PEX1: variants seen among roughly 807,000 people sequenced by gnomAD.
The protein encoded by PEX1 is peroxisomal biogenesis factor 1.
A neutral mutation model predicts 152.5 loss-of-function variants in PEX1; 97 were observed. That is an observed-to-expected ratio of 0.64 (90% CI 0.54 to 0.75). PEX1 has a LOEUF of 0.75. Among genes scored for constraint, PEX1 ranks in the 30% least tolerant of loss-of-function variants. PEX1 has a pLI of 0.00. For missense variants in PEX1, 1,357 were observed against 1,516.3 expected (o/e 0.89, Z 1.74); for synonymous variants, 485 against 531.6 (o/e 0.91, Z 1.21).
At chr7:92,514,466 A>G (rs1447871442) in intron 5 of PEX1, among the ~76,000 whole-genome samples, 1 of 152,164 alleles carries the variant, frequency 6.6e-6, no homozygotes, top group African/African-American at 2.4e-5. Context: ...TATTCACCAA[A>G]CCCATCTTTT....
intron 20 of PEX1, 123 bp from the exon 21 acceptor site, chr7:92,491,625 G>C (rs1791329080): frequency 1.5e-6 from 1 of 669,140 alleles, no homozygotes; most frequent in Admixed American, 2.6e-5. Flanking sequence ...TTTTCAAAGA[G>C]CTCATTAATT....
chr7:92,488,909 T>C (rs1197289830), intron 23 of PEX1, among the ~76,000 whole-genome samples: 3 of 152,244 alleles, frequency 2.0e-5, no homozygotes, highest in Admixed American at 2.0e-4. Context: ...AATTTTTGTA[T>C]TTTTAGTAGA....
In PEX1 at chr7:92,501,974, C is replaced by T. The variant is rs921866912; in HGVS notation, c.2332G>A (p.Gly778Arg). Residue 778 changes from glycine (G) to arginine (R), a missense_variant, in exon 14 of 24, where the codon GGG (glycine) becomes AGG (arginine). By Grantham distance (125) the Gly-to-Arg change is moderately radical. Coordinates refer to ENST00000248633, the MANE Select transcript of PEX1 (RefSeq NM_000466.3). The stretch of plus-strand genomic sequence containing the variant: ...ACTGTAAAATCTCTAGCCACAAACC[C>T]GCCAGTTTCTTTAGCTACATGCTGC... ...DLQHVAKETGGFVARDFTVLV... is the reference protein window; with the variant it reads ...DLQHVAKETGRFVARDFTVLV... 1.2e-6 allele frequency: 2 copies of T among 1,613,776 alleles called. No individual in the cohort carries two copies. The highest frequency in any genetic ancestry group is 2.7e-5 in the African/African-American group (2 of 74,914).
chr7:92,504,694 A>G lies in PEX1; in HGVS notation c.2071+38T>C, dbSNP rs78310122. On this transcript the variant is annotated intron_variant, in intron 12 of 23. Transcript: ENST00000248633. Reference sequence around the variant, plus strand: ...TTAAGACTAAAAATGCTGACTGACAAAAGAACAAGACCTTAAGCCAGTGGT... The same window carrying G: ...TTAAGACTAAAAATGCTGACTGACAGAAGAACAAGACCTTAAGCCAGTGGT... 1.0e-3 allele frequency: 1,663 copies of G among 1,601,618 alleles called. 18 individuals carry two copies. The African/African-American group carries it at 0.02, about 20-fold the overall frequency.
At chr7:92,494,724 TTATA>T in intron 17 of PEX1, 95 bp from the exon 18 acceptor site, 1 of 767,172 alleles carries the variant, frequency 1.3e-6, no homozygotes, top group Non-Finnish European at 1.9e-6. Context: ...TTTTATGTAT[TTATA>T]TATATTTATA....
In PEX1 at chr7:92,518,985, T is replaced by C. The variant is rs1792932554; in HGVS notation, c.357+10A>G. 1.3e-6 allele frequency: 2 copies of C among 1,588,528 alleles called. No individual in the cohort carries two copies. The highest frequency in any genetic ancestry group is 1.1e-5 in the South Asian group (1 of 90,588). ...CTTAAATGAGATAGTTCTTATTTGG[T>C]TTTCTTTACCAGTATCTCCCAATCA... On this transcript the variant is annotated intron_variant, in intron 3 of 23. Transcript: ENST00000248633.
intron 13 of PEX1, among the ~76,000 whole-genome samples, chr7:92,502,609 G>T (rs1196635644): frequency 6.6e-6 from 1 of 152,064 alleles, no homozygotes; most frequent in African/African-American, 2.4e-5. Flanking sequence ...AATATTTAGG[G>T]TAGATGCTAG....
At chr7:92,520,393 T>A (rs1792997358) in intron 2 of PEX1, among the ~76,000 whole-genome samples, 1 of 152,204 alleles carries the variant, frequency 6.6e-6, no homozygotes, top group African/African-American at 2.4e-5. Flanking sequence ...GGTTTACAGA[T>A]TTCTCATGAG....
intron 20 of PEX1, 61 bp from the exon 21 acceptor site, chr7:92,491,563 A>G (rs1475869995): frequency 8.1e-5 from 79 of 971,392 alleles, no homozygotes; most frequent in Middle Eastern, 2.1e-4. Context: ...TCAGAAATAA[A>G]TAATAACATA....
chr7:92,504,980 A>G (rs551716677), intron 11 of PEX1, 78 bp from the exon 12 acceptor site: 1 of 1,033,930 alleles, frequency 9.7e-7, no homozygotes, highest in East Asian at 2.4e-5. Context: ...TGAAAGCACT[A>G]GAAAAGCTCG....
At chr7:92,498,763 C>A (rs74784449) in intron 16 of PEX1, among the ~76,000 whole-genome samples, 9,471 of 152,186 alleles carry the variant, frequency 0.062, 393 homozygotes, top group Non-Finnish European at 0.086. Flanking sequence ...AAAACTTAGA[C>A]CTAGTCTCAC....
chr7:92,513,224 A>G (rs1562862378), intron 6 of PEX1, among the ~76,000 whole-genome samples: 1 of 152,238 alleles, frequency 6.6e-6, no homozygotes, highest in South Asian at 2.1e-4. Context: ...AAAGGAGCTG[A>G]AAAGAGGAAC....
chr7:92,488,954 G>A (rs189903569), intron 23 of PEX1, among the ~76,000 whole-genome samples: 21 of 152,194 alleles, frequency 1.4e-4, no homozygotes, highest in East Asian at 5.8e-4. Flanking sequence ...GGCTTGCCTC[G>A]AACTCCTGAC....
chr7:92,493,044 G>A lies in PEX1; in HGVS notation c.3116C>T (p.Thr1039Ile). The change falls in exon 20 of 24, where the codon ACT becomes ATT. Residue 1039 changes from threonine to isoleucine, a missense_variant. Coordinates refer to ENST00000248633, the MANE Select transcript of PEX1 (RefSeq NM_000466.3). ...DVDLQHVASV[T>I]DSFTGADLKA... ...CAGATCAGCTCCAGTAAAGGAGTCA[G>A]TTACTGATGCTACATGCTGAAGGTC... 1 of 1,610,598 alleles carries A rather than the reference G, an allele frequency of 6.2e-7. No individual in the cohort carries two copies. Among genetic ancestry groups the A allele is most frequent in the Non-Finnish European group, 8.5e-7 (1 of 1,176,790 alleles).
chr7:92,506,171 G>C (rs1562857120), intron 11 of PEX1, 77 bp downstream of exon 11: 1 of 822,576 alleles, frequency 1.2e-6, no homozygotes, highest in Non-Finnish European at 2.2e-6. Context: ...GTATTTATTA[G>C]ATTGACAGCA....
At chr7:92,501,428 G>T in intron 15 of PEX1, 79 bp downstream of exon 15, 3 of 1,156,844 alleles carry the variant, frequency 2.6e-6, no homozygotes, top group Non-Finnish European at 3.9e-6. Flanking sequence ...GATTGGGCAA[G>T]CTGACACATA....
intron 11 of PEX1, among the ~76,000 whole-genome samples, chr7:92,505,845 T>C (rs535045902): frequency 1.2e-4 from 19 of 152,230 alleles, no homozygotes; most frequent in Non-Finnish European, 2.5e-4. Context: ...AAAAGTGTTA[T>C]ATGGTGAACT....
At chr7:92,516,291 G>C (rs1792782920) in intron 5 of PEX1, among the ~76,000 whole-genome samples, 1 of 151,962 alleles carries the variant, frequency 6.6e-6, no homozygotes, top group Non-Finnish European at 1.5e-5. Context: ...GCCAGGCGTG[G>C]TGGTGCATGC....
At position 92,498,068 on chromosome 7, in the gene PEX1, GAAAAAAA is replaced by G. The variant is rs781116048; in HGVS notation, c.2719-1298_2719-1292del. Among the ~76,000 whole-genome samples, 101 of 51,032 alleles carry G rather than the reference GAAAAAAA, an allele frequency of 2.0e-3. 1 individual carries two copies. The highest frequency in any genetic ancestry group is 8.6e-4 in the Admixed American group (4 of 4,672). 33.5% of individuals were successfully genotyped at this position (51,032 alleles called of 152,430 possible). A position where few individuals can be genotyped will look rare whatever the true frequency, so the allele number is the denominator to read the frequency against. ...TAACACAACAAGACTCAGTCTCAGA[GAAAAAAA>G]AAAAAAAAAAAAAAACTAAGGCAAA... On this transcript the variant is annotated intron_variant, in intron 16 of 23. Coordinates refer to ENST00000248633, the MANE Select transcript of PEX1 (RefSeq NM_000466.3).
Sources: allele counts gnomAD v4.1 joint callset (sites outside exome capture counted in the v4.1 genomes callset), GRCh38; gene constraint gnomAD v4.1.1; transcripts MANE v1.5; gene names NCBI Gene and HGNC (gene_info 2026-07-23, HGNC 2026-07-21).